UGT2B28: variants seen among roughly 807,000 people sequenced by gnomAD.
The protein encoded by UGT2B28 is UDP glucuronosyltransferase family 2 member B28.
UGT2B28 carries 45 observed loss-of-function variants against 43.6 expected under a neutral mutation model. That is an observed-to-expected ratio of 1.03 (90% CI 0.81 to 1.32). The LOEUF (loss-of-function observed/expected upper bound fraction) is 1.32. UGT2B28 is among the 40% of genes most tolerant of loss of function. UGT2B28 has a pLI of 0.00. For synonymous variants in UGT2B28, 204 were observed against 208.1 expected (o/e 0.98, Z 0.17); for missense variants, 649 against 625.5 (o/e 1.04, Z -0.40).
intron 3 of UGT2B28, among the ~76,000 whole-genome samples, chr4:69,289,307 A>G (rs1181340817): frequency 7.1e-6 from 1 of 140,210 alleles, no homozygotes; most frequent in Non-Finnish European, 1.5e-5. Context: ...ATGTTATCTC[A>G]TTATGGTTTT....
At position 69,282,510 on chromosome 4, in the gene UGT2B28, T is replaced by C; in HGVS notation, c.722-4T>C. ...CCACTTTTTCTTTTCTTTATTCCTG[T>C]CAGGAAGACCCACTACCTTATTTGA... On this transcript the variant is annotated splice_region_variant and splice_polypyrimidine_tract_variant and intron_variant, in intron 1 of 5. Transcript: ENST00000335568. 6.5e-7 allele frequency: 1 copy of C among 1,539,398 alleles called. No homozygotes were observed. The highest frequency in any genetic ancestry group is 2.3e-5 in the East Asian group (1 of 43,002).
Position 69,280,577 on chromosome 4 carries a change from T to A in UGT2B28, c.77T>A (p.Val26Glu). 1 of 1,560,692 alleles carries A rather than the reference T, an allele frequency of 6.4e-7. No individual in the cohort carries two copies. The highest frequency in any genetic ancestry group is 1.2e-5 in the South Asian group (1 of 84,390). Residue 26 changes from valine to glutamate, a missense_variant, in exon 1 of 6, where the codon GTG (valine) becomes GAG (glutamate). Physicochemically the swap from Val to Glu is moderately radical, Grantham distance 121. Coordinates refer to ENST00000335568, the MANE Select transcript of UGT2B28 (RefSeq NM_053039.2). ...CYFSSGSCGK[V>E]LVWTGEYSHW... ...TTTAGCTCTGGGAGTTGTGGAAAGG[T>A]GCTGGTGTGGACCGGTGAATACAGC...
chr4:69,285,411 G>A lies in UGT2B28; in HGVS notation c.871-1341G>A, dbSNP rs184054078. On this transcript the variant is annotated intron_variant, in intron 2 of 5. Transcript: ENST00000335568. ...ATCAGTGATGAATCTCTAAACAGAG[G>A]TTAGATTCCTTCAACACTGGGTAGA... is the stretch of plus-strand genomic sequence containing the variant. Among the ~76,000 whole-genome samples the A allele has an allele frequency of 2.1e-3, 294 of 139,294 alleles. 63 individuals are homozygous for A. The highest frequency in any genetic ancestry group is 8.0e-3 in the African/African-American group (285 of 35,510). The allele number at this position is 139,294 out of a possible 152,430, so 91.4% of individuals were successfully genotyped here. A position where few individuals can be genotyped will look rare whatever the true frequency, so the allele number is the denominator to read the frequency against.
In UGT2B28 at chr4:69,283,293, T is replaced by G. The variant is rs190841116; in HGVS notation, c.870+631T>G. Among the ~76,000 whole-genome samples the G allele has an allele frequency of 5.6e-3, 785 of 139,766 alleles. 169 individuals are homozygous for G. Among genetic ancestry groups the G allele is most frequent in the African/African-American group, 0.021 (753 of 35,734 alleles). The allele number at this position is 139,766 out of a possible 152,430, so 91.7% of individuals were successfully genotyped here. ...TCAGGTTTTGTTTTTAGGGAATGAT[T>G]AAGAATCTAGATCATACTAAGAGGT... On this transcript the variant is annotated intron_variant, in intron 2 of 5. Transcript: ENST00000335568.
chr4:69,293,808 G>C (rs1172561081), intron 5 of UGT2B28, among the ~76,000 whole-genome samples: 1 of 140,456 alleles, frequency 7.1e-6, no homozygotes, highest in Non-Finnish European at 1.5e-5. Context: ...TGAATTTTAT[G>C]ATTAAAAGAA....
rs1257495328 is a variant in UGT2B28 at position 69,280,998 on chromosome 4, A to G, written c.498A>G (p.Ile166Met). 6.4e-7 allele frequency: 1 copy of G among 1,559,774 alleles called. No individual in the cohort carries two copies. Among genetic ancestry groups the G allele is most frequent in the Non-Finnish European group, 8.7e-7 (1 of 1,155,508 alleles). Residue 166 changes from isoleucine to methionine, a missense_variant, in exon 1 of 6, where the codon ATA becomes ATG. Coordinates refer to ENST00000335568, the MANE Select transcript of UGT2B28 (RefSeq NM_053039.2). ...AGCTGCTGGCTGCGCTACTTAACAT[A>G]CCGTTTGTGTACAGTCTCTGCTTCA... ...CGELLAALLN[I>M]PFVYSLCFTP...
Position 69,290,621 on chromosome 4 carries a change from C to T in UGT2B28, c.1120C>T (p.His374Tyr). The change falls in exon 5 of 6, where the codon CAT becomes TAT. Residue 374 changes from histidine to tyrosine, a missense_variant. His to Tyr is a moderately conservative substitution (Grantham distance 83). Transcript: ENST00000335568. ...GLPKTRAFIT[H>Y]GGANGIYEAI... ...TCCAAAAACCAGAGCTTTTATAACT[C>T]ATGGTGGAGCCAATGGCATCTATGA... 6.4e-7 allele frequency: 1 copy of T among 1,559,132 alleles called. No individual in the cohort carries two copies. Among genetic ancestry groups the T allele is most frequent in the Non-Finnish European group, 8.7e-7 (1 of 1,154,906 alleles).
chr4:69,286,810 G>T lies in UGT2B28; in HGVS notation c.929G>T (p.Gly310Val), dbSNP rs138534337. 30 of 1,555,678 alleles carry T rather than the reference G, an allele frequency of 1.9e-5. 5 individuals carry two copies. In the Admixed American group the frequency reaches 2.5e-4, roughly 13 times the overall value. Residue 310 changes from glycine (G) to valine (V), a missense_variant, in exon 3 of 6, where the codon GGG becomes GTG. By Grantham distance (109) the Gly-to-Val change is moderately radical. Coordinates refer to ENST00000335568, the MANE Select transcript of UGT2B28 (RefSeq NM_053039.2). The stretch of plus-strand genomic sequence containing the variant: ...AATGGTGTTGTGGTGTTTTCTCTGG[G>T]GTCAGTGATAAGTAACATGACAGCA... ...GENGVVVFSL[G>V]SVISNMTAER...
In UGT2B28 at chr4:69,280,876, T is replaced by G; in HGVS notation, c.376T>G (p.Phe126Val). 1 of 1,558,618 alleles carries G rather than the reference T, an allele frequency of 6.4e-7. No individual in the cohort carries two copies. The highest frequency in any genetic ancestry group is 8.7e-7 in the Non-Finnish European group (1 of 1,155,338). Residue 126 changes from phenylalanine to valine, a missense_variant, in exon 1 of 6, where the codon TTC becomes GTC. Physicochemically the swap from Phe to Val is conservative, Grantham distance 50. Transcript: ENST00000335568. Reference sequence around the variant, plus strand: ...GGAATTTCATGACATATTTAGAAACTTCTGTAAAGATGTAGTTTCAAATAA... The same window carrying G: ...GGAATTTCATGACATATTTAGAAACGTCTGTAAAGATGTAGTTTCAAATAA... ...LWEFHDIFRN[F>V]CKDVVSNKKV... is the part of the protein sequence containing the mutation.
At chr4:69,294,452 AAAAGCCTTTCATAGACTT>A in intron 5 of UGT2B28, 60 bp from the exon 6 acceptor site, 5 of 1,303,958 alleles carry the variant, frequency 3.8e-6, no homozygotes, top group Non-Finnish European at 5.0e-6. Context: ...TTGACACTTT[AAAAGCCTTTCATAGACTT>A]GATACATACA....
Position 69,289,869 on chromosome 4 carries a change from T to G in UGT2B28, c.1090+117T>G. ...TTATAGGAAAACAAAAAGAACTTCT[T>G]TGTATTTATTTTCCAGTCCTAGGGG... On this transcript the variant is annotated intron_variant, in intron 4 of 5. Coordinates refer to ENST00000335568, the MANE Select transcript of UGT2B28 (RefSeq NM_053039.2). 3 of 1,133,452 alleles carry G rather than the reference T, an allele frequency of 2.6e-6. 1 individual carries two copies. The highest frequency in any genetic ancestry group is 3.6e-6 in the Non-Finnish European group (3 of 838,880). 70.2% of individuals were successfully genotyped at this position (1,133,452 alleles called of 1,614,324 possible).
At chr4:69,281,913 C>A (rs534040257) in intron 1 of UGT2B28, among the ~76,000 whole-genome samples, 2 of 140,234 alleles carry the variant, frequency 1.4e-5, no homozygotes, top group Non-Finnish European at 3.0e-5. Flanking sequence ...GAGTACAGAT[C>A]TCTATTTCAA....
chr4:69,280,804 A>C lies in UGT2B28; in HGVS notation c.304A>C (p.Lys102Gln), dbSNP rs1445214001. ...QQVKRWSDIQ[K>Q]DSFWLYFSQE... ...GGTTAAGAGATGGTCAGACATTCAA[A>C]AAGATAGCTTTTGGTTATATTTTTC... The change falls in exon 1 of 6, where the codon AAA becomes CAA. Residue 102 changes from lysine to glutamine, a missense_variant. Coordinates refer to ENST00000335568, the MANE Select transcript of UGT2B28 (RefSeq NM_053039.2). 1 of 1,568,254 alleles carries C rather than the reference A, an allele frequency of 6.4e-7. No homozygotes were observed. The highest frequency in any genetic ancestry group is 1.5e-5 in the African/African-American group (1 of 67,108).
In UGT2B28 at chr4:69,290,817, T is replaced by A. The variant is rs369400855; in HGVS notation, c.1310+6T>A. On this transcript the variant is annotated splice_donor_region_variant and intron_variant, in intron 5 of 5. Coordinates refer to ENST00000335568, the MANE Select transcript of UGT2B28 (RefSeq NM_053039.2). ...ACAGTAATTAATGATCCTTCGTGAG[T>A]AGAACAGTATTTTTCACTAGGTGGT... The A allele has an allele frequency of 5.1e-6, 8 of 1,554,780 alleles. 2 individuals are homozygous for A. In the East Asian group the frequency reaches 1.2e-4, roughly 22 times the overall value.
At chr4:69,286,612 A>G in intron 2 of UGT2B28, 140 bp from the exon 3 acceptor site, 1 of 1,239,020 alleles carries the variant, frequency 8.1e-7, no homozygotes, top group East Asian at 2.7e-5. Flanking sequence ...AACCTGAGTG[A>G]TTGAGTCAGT....
At position 69,294,268 on chromosome 4, in the gene UGT2B28, T is replaced by C. The variant is rs1396871353; in HGVS notation, c.1311-262T>C. On this transcript the variant is annotated intron_variant, in intron 5 of 5. Coordinates refer to ENST00000335568, the MANE Select transcript of UGT2B28 (RefSeq NM_053039.2). ...ATTAAAGAATTAAAAACAATTAAAA[T>C]GCCTTATATTTTCTCTGCTTGAAAA... Among the ~76,000 whole-genome samples, 4 of 137,118 alleles carry C rather than the reference T, an allele frequency of 2.9e-5. 1 individual carries two copies. Among genetic ancestry groups the C allele is most frequent in the African/African-American group, 1.2e-4 (4 of 34,614 alleles). 90.0% of individuals were successfully genotyped at this position (137,118 alleles called of 152,430 possible).
At chr4:69,284,622 T>C (rs1723716417) in intron 2 of UGT2B28, among the ~76,000 whole-genome samples, 1 of 138,660 alleles carries the variant, frequency 7.2e-6, no homozygotes, top group Non-Finnish European at 1.5e-5. Context: ...AGGAAGAGAG[T>C]AGGAGGTGTA....
chr4:69,288,578 T>C (rs1487197192), intron 3 of UGT2B28, among the ~76,000 whole-genome samples: 1 of 140,444 alleles, frequency 7.1e-6, no homozygotes, highest in Non-Finnish European at 1.5e-5. Context: ...TTTTATTTTT[T>C]AAATTAAATT....
At chr4:69,292,394 T>C (rs1251437829) in intron 5 of UGT2B28, among the ~76,000 whole-genome samples, 1 of 139,952 alleles carries the variant, frequency 7.1e-6, no homozygotes, top group Non-Finnish European at 1.5e-5. Context: ...AGAAGGATAA[T>C]GAATGATCAA....
Sources: allele counts gnomAD v4.1 joint callset (sites outside exome capture counted in the v4.1 genomes callset), GRCh38; gene constraint gnomAD v4.1.1; transcripts MANE v1.5; gene names NCBI Gene and HGNC (gene_info 2026-07-23, HGNC 2026-07-21).